Variants in GDA observed in about 807,000 individuals in gnomAD.
GDA encodes the protein cytoplasmic PSD-95 interactor.
In GDA, 18 loss-of-function variants were observed where a neutral mutation model predicts 59.6. That is an observed-to-expected ratio of 0.30 (90% confidence interval 0.21 to 0.45). The LOEUF (loss-of-function observed/expected upper bound fraction) is 0.45, where lower values mean the gene tolerates loss of function less well. Among genes scored for constraint, GDA ranks in the 20% least tolerant of loss-of-function variants. The pLI, the probability that GDA is intolerant of heterozygous loss-of-function variation, is 1.00. For synonymous variants in GDA, 201 were observed against 201.1 expected (o/e 1.00, Z 0.00); for missense variants, 427 against 552.3 (o/e 0.77, Z 2.27).
chr9:72,128,441 T>C (rs1416307588), intron 1 of GDA, among the ~76,000 whole-genome samples: 2 of 152,270 alleles, frequency 1.3e-5, no homozygotes, highest in South Asian at 2.1e-4. Context: ...ATAATGATAA[T>C]GATTTTAAAA....
At chr9:72,192,992 T>A (rs1832739141) in intron 1 of GDA, among the ~76,000 whole-genome samples, 1 of 152,230 alleles carries the variant, frequency 6.6e-6, no homozygotes. Context: ...TATTTCAATC[T>A]CTGTTAAATT....
upstream of GDA, among the ~76,000 whole-genome samples, chr9:72,148,301 G>GTGTGTGTA (rs1319771571): frequency 1.2e-5 from 1 of 83,696 alleles, no homozygotes; most frequent in Non-Finnish European, 2.3e-5. Context: ...TCTGTTATTG[G>GTGTGTGTA]TGTGTGTATG....
chr9:72,126,436 G>C (rs1825849996), intron 1 of GDA, among the ~76,000 whole-genome samples: 1 of 152,154 alleles, frequency 6.6e-6, no homozygotes, highest in Admixed American at 6.5e-5. Context: ...GCCATGAACT[G>C]TAGTGATAGA....
intron 6 of GDA, among the ~76,000 whole-genome samples, chr9:72,222,194 T>C (rs1364359208): frequency 6.6e-5 from 10 of 152,228 alleles, no homozygotes; most frequent in Non-Finnish European, 5.9e-5. Context: ...TAAGCATTTC[T>C]TTTTCTCCAC....
At chr9:72,191,793 G>C (rs562277959) in intron 1 of GDA, among the ~76,000 whole-genome samples, 82 of 152,192 alleles carry the variant, frequency 5.4e-4, no homozygotes, top group African/African-American at 2.0e-3. Flanking sequence ...TCACCATGTT[G>C]ACCAGGCTGG....
intron 3 of GDA, 151 bp downstream of exon 3, chr9:72,202,893 T>TTTTTTAA: frequency 2.1e-6 from 1 of 465,948 alleles, no homozygotes; most frequent in South Asian, 4.6e-5. Flanking sequence ...GTCCAGTGAG[T>TTTTTTAA]TTGTGACCAC....
intron 1 of GDA, among the ~76,000 whole-genome samples, chr9:72,151,384 G>T (rs1827177456): frequency 6.6e-6 from 1 of 152,102 alleles, no homozygotes; most frequent in Admixed American, 6.6e-5. Context: ...CCTCCTAGGT[G>T]CAAGGCAGTT....
intron 1 of GDA, among the ~76,000 whole-genome samples, chr9:72,127,285 C>A (rs563871896): frequency 6.6e-6 from 1 of 152,208 alleles, no homozygotes; most frequent in South Asian, 2.1e-4. Flanking sequence ...GAAAATAGAT[C>A]TCTTCTGACA....
intron 10 of GDA, 86 bp downstream of exon 10, chr9:72,231,267 TG>T: frequency 1.4e-6 from 1 of 728,866 alleles, no homozygotes; most frequent in Admixed American, 2.4e-5. Context: ...GTGACTGTTC[TG>T]TTTAAAAAAA....
At chr9:72,256,693 G>A (rs770024593), downstream of GDA, among the ~76,000 whole-genome samples, 6 of 152,186 alleles carry the variant, frequency 3.9e-5, no homozygotes, top group East Asian at 1.9e-4. Flanking sequence ...TCCAGTCTTC[G>A]TAAGAATCAC....
At chr9:72,137,244 T>TTC (rs1201950651) in intron 1 of GDA, among the ~76,000 whole-genome samples, 1 of 108,964 alleles carries the variant, frequency 9.2e-6, no homozygotes. Flanking sequence ...CTTTTTTTCT[T>TTC]TTTTTTTTTT....
upstream of GDA, among the ~76,000 whole-genome samples, chr9:72,148,665 G>A (rs893278144): frequency 6.6e-6 from 1 of 152,134 alleles, no homozygotes; most frequent in African/African-American, 2.4e-5. Context: ...ATTGTGTAGG[G>A]TGGGAACGCT....
At chr9:72,162,804 C>T (rs552713820) in intron 1 of GDA, among the ~76,000 whole-genome samples, 3 of 152,112 alleles carry the variant, frequency 2.0e-5, no homozygotes, top group Admixed American at 2.0e-4. Context: ...ACTACAGGCG[C>T]CCGCCACCAC....
At chr9:72,202,469 T>C in intron 2 of GDA, 102 bp from the exon 3 acceptor site, 1 of 732,354 alleles carries the variant, frequency 1.4e-6, no homozygotes. Context: ...TAAACCTGTG[T>C]GGGTGAACAG....
rs541845888 is a variant in GDA, at chr9:72,166,372, T to C, written c.123+16690T>C. Among the ~76,000 whole-genome samples the C allele has an allele frequency of 2.6e-4, 33 of 124,812 alleles. No homozygotes were observed. The Admixed American group carries it at 3.4e-3, about 13-fold the overall frequency. 81.9% of individuals were successfully genotyped at this position (124,812 alleles called of 152,430 possible). A position where few individuals can be genotyped will look rare whatever the true frequency, so the allele number is the denominator to read the frequency against. On this transcript the variant is annotated intron_variant, in intron 1 of 13. Transcript: ENST00000358399. ...GTTGAAAAAGTTGATCTTATGGAGATAGAAAGCAGAATGATAGATACCAGA... is the reference window on the plus strand; with the variant it reads ...GTTGAAAAAGTTGATCTTATGGAGACAGAAAGCAGAATGATAGATACCAGA...
intron 1 of GDA, among the ~76,000 whole-genome samples, chr9:72,175,261 A>G (rs1322684130): frequency 6.6e-6 from 1 of 152,044 alleles, no homozygotes; most frequent in Non-Finnish European, 1.5e-5. Context: ...TGAACTCCTG[A>G]GCTCAAGCGA....
intron 3 of GDA, among the ~76,000 whole-genome samples, chr9:72,205,529 AGGACTCTGCCCAGCAAG>A (rs1174578724): frequency 6.6e-6 from 1 of 152,226 alleles, no homozygotes; most frequent in African/African-American, 2.4e-5. Context: ...AAAGGTTCAG[AGGACTCTGCCCAGCAAG>A]GTGGGCAGGC....
intron 11 of GDA, 112 bp from the exon 12 acceptor site, chr9:72,245,036 A>ATTTTTTT: frequency 1.3e-6 from 1 of 766,278 alleles, no homozygotes. Flanking sequence ...TAAGATACTA[A>ATTTTTTT]TTTTTTTTTT....
intron 1 of GDA, among the ~76,000 whole-genome samples, chr9:72,127,649 A>G (rs1054487861): frequency 6.6e-6 from 1 of 151,958 alleles, no homozygotes; most frequent in Non-Finnish European, 1.5e-5. Context: ...AAAAAAAAAA[A>G]AAAGAAAGAA....
Sources: gnomAD v4.1 joint callset for allele counts (sites outside exome capture counted in the v4.1 genomes callset) on GRCh38, gnomAD v4.1.1 for gene constraint, MANE v1.5 for transcripts, NCBI Gene and HGNC (gene_info 2026-07-23, HGNC 2026-07-21) for gene names.